Variants in GGT1 observed in about 807,000 individuals in gnomAD.
GGT1 encodes the protein glutathione hydrolase 1 proenzyme.
Under a neutral mutation model 56.0 loss-of-function variants are expected in GGT1, and 21 were observed. The ratio of observed to expected loss-of-function variants is 0.38; its 90% CI spans 0.27 to 0.54. GGT1 has a LOEUF of 0.54. Ranked by LOEUF, GGT1 falls within the 20% of genes least tolerant of loss-of-function variation. The probability of loss-of-function intolerance (pLI) is 0.82; values close to 1 mark genes in which losing one functional copy is unlikely to be tolerated. For synonymous variants in GGT1, 238 were observed against 342.6 expected (o/e 0.69, Z 3.37); for missense variants, 466 against 787.0 (o/e 0.59, Z 4.88).
At chr22:24,614,526 G>C (rs11703306) in intron 5 of GGT1, among the ~76,000 whole-genome samples, 1 of 148,392 alleles carries the variant, frequency 6.7e-6, no homozygotes, top group East Asian at 2.0e-4. Flanking sequence ...TGAGGCAGGA[G>C]AATGGCTTGA....
chr22:24,620,754 G>A lies in GGT1; in HGVS notation c.576-159G>A, dbSNP rs979228058. On this transcript the variant is annotated intron_variant, in intron 8 of 15. Coordinates refer to ENST00000400382, the MANE Select transcript of GGT1 (RefSeq NM_001288833.2). This position sits in a 1 kb window ranked among gnomAD's most constrained non-coding sequence, Gnocchi z 5.6. Reference sequence around the variant, plus strand: ...TGGCAAGGGACACTAGGAAGCTCCCGGAAGGGACACTAGGAAGACGAGCGC... The same window carrying A: ...TGGCAAGGGACACTAGGAAGCTCCCAGAAGGGACACTAGGAAGACGAGCGC... The A allele has an allele frequency of 2.3e-5, 34 of 1,459,030 alleles. No homozygotes were observed. The highest frequency in any genetic ancestry group is 1.1e-4 in the African/African-American group (8 of 70,134). 90.4% of individuals were successfully genotyped at this position (1,459,030 alleles called of 1,614,324 possible). A position where few individuals can be genotyped will look rare whatever the true frequency, so the allele number is the denominator to read the frequency against.
chr22:24,586,479 G>A, the GGT1 span: 1 of 1,506,796 alleles, frequency 6.6e-7, no homozygotes, highest in Non-Finnish European at 9.0e-7. Flanking sequence ...CACAGACAGT[G>A]ACCTGTCGGG....
intron 7 of GGT1, among the ~76,000 whole-genome samples, chr22:24,615,544 G>A (rs936907801): frequency 6.6e-6 from 1 of 152,168 alleles, no homozygotes; most frequent in South Asian, 2.1e-4. Context: ...GACAGGTCAC[G>A]CAAATCAGTT....
At position 24,618,911 on chromosome 22, in the gene GGT1, G is replaced by C. The variant is rs568495888; in HGVS notation, c.383-1417G>C. ...TGTCCTTATGGGCAGCGGGGCTCAGGGGGGAAGCAGGCCCAGGGGTGTGTT... is the reference window on the plus strand; with the variant it reads ...TGTCCTTATGGGCAGCGGGGCTCAGCGGGGAAGCAGGCCCAGGGGTGTGTT... On this transcript the variant is annotated intron_variant, in intron 7 of 15. Transcript: ENST00000400382. 2.6e-4 allele frequency among the ~76,000 whole-genome samples: 40 copies of C among 152,258 alleles called. No individual in the cohort carries two copies. In the South Asian group the frequency reaches 7.5e-3, roughly 28 times the overall value.
intron 7 of GGT1, among the ~76,000 whole-genome samples, chr22:24,618,525 A>G (rs1259611727): frequency 6.6e-6 from 1 of 152,220 alleles, no homozygotes; most frequent in East Asian, 1.9e-4. Flanking sequence ...TGGGAGGCGG[A>G]GGTTGTAGTG....
chr22:24,593,727 C>G (rs1376760025), upstream of GGT1, among the ~76,000 whole-genome samples: 2 of 150,454 alleles, frequency 1.3e-5, no homozygotes, highest in Admixed American at 1.3e-4. Flanking sequence ...GCGGAGGTTA[C>G]AGTGAGCCGA....
At chr22:24,592,984 G>C (rs2045619795), upstream of GGT1, 1 of 1,159,512 alleles carries the variant, frequency 8.6e-7, no homozygotes, top group Admixed American at 4.7e-5. Flanking sequence ...GCCGGCCGCC[G>C]CCCCGGCCTC....
At chr22:24,585,596 G>T in the GGT1 span, 7 of 479,482 alleles carry the variant, frequency 1.5e-5, no homozygotes, top group African/African-American at 1.4e-4. Flanking sequence ...CAGGGCTGTT[G>T]CTCAGTGACC....
At chr22:24,593,796 A>G (rs563419487), upstream of GGT1, among the ~76,000 whole-genome samples, 130 of 151,782 alleles carry the variant, frequency 8.6e-4, 2 homozygotes, top group East Asian at 2.3e-3. Flanking sequence ...CAAAAAAAAA[A>G]AAAAGAAAAG....
chr22:24,612,009 G>T (rs990759143), intron 5 of GGT1, among the ~76,000 whole-genome samples: 1 of 152,078 alleles, frequency 6.6e-6, no homozygotes, highest in Admixed American at 6.5e-5. Flanking sequence ...GTTTTGCTAT[G>T]TTGGCCAGGC....
At chr22:24,626,817 A>G (rs5760510) in intron 11 of GGT1, among the ~76,000 whole-genome samples, 3,845 of 145,196 alleles carry the variant, frequency 0.026, 83 homozygotes, top group South Asian at 0.042. Flanking sequence ...GGACCTAGGA[A>G]GTCCTGTGGG....
intron 11 of GGT1, chr22:24,624,173 A>G (rs1244156285): frequency 3.0e-6 from 3 of 985,166 alleles, no homozygotes; most frequent in Non-Finnish European, 3.6e-6. Flanking sequence ...GTGGTTCTCG[A>G]GTGCTCAGTG....
At chr22:24,617,982 A>G (rs2047176957) in intron 7 of GGT1, among the ~76,000 whole-genome samples, 1 of 152,118 alleles carries the variant, frequency 6.6e-6, no homozygotes, top group South Asian at 2.1e-4. Flanking sequence ...GAGAGGGGGC[A>G]CTGGGTCTGG....
intron 7 of GGT1, among the ~76,000 whole-genome samples, chr22:24,619,031 A>C (rs1485153871): frequency 6.6e-6 from 1 of 152,136 alleles, no homozygotes; most frequent in Non-Finnish European, 1.5e-5. Context: ...CTGAGGTGGG[A>C]GGATTGCTTG....
chr22:24,621,234 CA>C (rs1227048894), intron 9 of GGT1, among the ~76,000 whole-genome samples, 164 bp downstream of exon 9: 1 of 152,010 alleles, frequency 6.6e-6, no homozygotes, highest in Non-Finnish European at 1.5e-5. Flanking sequence ...CTGCTTATAT[CA>C]AAACCAAGAG....
rs756497736 is a variant in GGT1, at chr22:24,620,932, A to G, written c.595A>G (p.Arg199Gly). The G allele has an allele frequency of 3.1e-6, 5 of 1,612,000 alleles. No individual in the cohort carries two copies. Among genetic ancestry groups the G allele is most frequent in the Non-Finnish European group, 3.4e-6 (4 of 1,179,842 alleles). ...PVLCEVFCRD[R>G]KVLREGERLT... ...CCCCAGTGAGGTGTTCTGCCGGGAT[A>G]GAAAGGTGCTTCGGGAGGGGGAGAG... is the stretch of plus-strand genomic sequence containing the variant. Residue 199 changes from arginine (R) to glycine (G), a missense_variant, in exon 9 of 16, where the codon AGA (arginine) becomes GGA (glycine). This residue lies in a region of GGT1 where 456 missense variants were observed against 716.7 expected (regional missense o/e 0.64). Transcript: ENST00000400382. This position sits in a 1 kb window ranked among gnomAD's most constrained non-coding sequence, Gnocchi z 5.6.
intron 7 of GGT1, among the ~76,000 whole-genome samples, chr22:24,616,840 C>T (rs151149991): frequency 1.6e-3 from 241 of 152,012 alleles, no homozygotes; most frequent in Non-Finnish European, 2.6e-3. Flanking sequence ...CCACTGTGCC[C>T]GATCAATCTT....
chr22:24,587,772 G>C, the GGT1 span, among the ~76,000 whole-genome samples: 1 of 152,226 alleles, frequency 6.6e-6, no homozygotes, highest in Admixed American at 6.5e-5. Flanking sequence ...AATCAGGGTA[G>C]AGTGTGGCCT....
chr22:24,601,719 G>A (rs549289271), upstream of GGT1, among the ~76,000 whole-genome samples: 1 of 152,336 alleles, frequency 6.6e-6, no homozygotes, highest in South Asian at 2.1e-4. Context: ...TGGGCTGCTG[G>A]TGCCAGCACA....
Sources: gnomAD v4.1 joint callset for allele counts (sites outside exome capture counted in the v4.1 genomes callset) on GRCh38, gnomAD v4.1.1 for gene constraint, gnomAD v4.1.1 regional missense constraint, Gnocchi (gnomAD v3.1) non-coding constraint, MANE v1.5 for transcripts, NCBI Gene and HGNC (gene_info 2026-07-23, HGNC 2026-07-21) for gene names.